Variants in KBTBD7 observed in about 807,000 individuals in gnomAD.
The protein encoded by KBTBD7 is kelch repeat and BTB domain containing 7, also known as kelch repeat and BTB domain-containing protein 7.
In KBTBD7, 25 loss-of-function variants were observed where a neutral mutation model predicts 50.3. The observed-to-expected ratio is 0.50, with a 90% CI of 0.36 to 0.69. The LOEUF (loss-of-function observed/expected upper bound fraction) is 0.69, where lower values mean the gene tolerates loss of function less well. Ranked by LOEUF, KBTBD7 falls within the 30% of genes least tolerant of loss-of-function variation. The pLI is 0.00. For missense variants in KBTBD7, 653 were observed against 869.5 expected (o/e 0.75, Z 3.13); for synonymous variants, 305 against 325.3 (o/e 0.94, Z 0.67).
Position 41,192,925 on chromosome 13 carries a change from G to C in KBTBD7, c.1333C>G (p.Pro445Ala). The C allele has an allele frequency of 6.2e-7, 1 of 1,614,124 alleles. No homozygotes were observed. Among genetic ancestry groups the C allele is most frequent in the Non-Finnish European group, 8.5e-7 (1 of 1,180,044 alleles). ...GYIYILGGRD[P>A]ITGVKLKEVE... is the part of the protein sequence containing the mutation. ...TCCTTCAACTTAACTCCAGTAATAG[G>C]GTCTCGTCCCCCCAAAATGTAGATG... The change falls in exon 1 of 1, where the codon CCT becomes GCT. Residue 445 changes from proline to alanine, a missense_variant. By Grantham distance (27) the Pro-to-Ala change is conservative. This residue lies in a region of KBTBD7 where 526 missense variants were observed against 717.1 expected (regional missense o/e 0.73). Transcript: ENST00000379483.
chr13:41,193,853 A>G lies in KBTBD7; in HGVS notation c.405T>C (p.Ser135=), dbSNP rs1247182938. Reference sequence around the variant, plus strand: ...GGCGCTGCACATTGGCCTCACTGAGAGACACACGACCCGTGTAGCAGTAGT... The same window carrying G: ...GGCGCTGCACATTGGCCTCACTGAGGGACACACGACCCGTGTAGCAGTAGT... ...LVDYCYTGRV[S]LSEANVQRLY... The change falls in exon 1 of 1, where the codon TCT becomes TCC. Residue 135 remains serine, a synonymous_variant. Transcript: ENST00000379483. This position sits in a 1 kb window ranked among gnomAD's most constrained non-coding sequence, Gnocchi z 5.7. 1 of 1,614,144 alleles carries G rather than the reference A, an allele frequency of 6.2e-7. No homozygotes were observed. Among genetic ancestry groups the G allele is most frequent in the Non-Finnish European group, 8.5e-7 (1 of 1,180,030 alleles).
Position 41,194,500 on chromosome 13 carries a change from C to A in KBTBD7, c.-243G>T, listed in dbSNP as rs1470877181. 3 of 567,042 alleles carry A rather than the reference C, an allele frequency of 5.3e-6. No individual in the cohort carries two copies. The African/African-American group carries it at 5.6e-5, about 11-fold the overall frequency. The allele number at this position is 567,042 out of a possible 1,614,324, so 35.1% of individuals were successfully genotyped here. On this transcript the variant is annotated 5_prime_UTR_variant, in exon 1 of 1. Coordinates refer to ENST00000379483, the MANE Select transcript of KBTBD7 (RefSeq NM_032138.7). The stretch of plus-strand genomic sequence containing the variant: ...CGCCTCCGCTCGCCCTCACAGGACC[C>A]GCTGGCTTGCAGCCGCGGAAGCCCC...
rs2031385458 is a variant in KBTBD7 at position 41,191,545 on chromosome 13, ATTTTTTCTTTTTTTT to A, written c.*643_*657del. ...TTTCTTTTAAAACAGTGGAATCCTGATTTTTTCTTTTTTTTTTTTTTTTTTTTTACTTTCTGTGAG... is the reference window on the plus strand; with the variant it reads ...TTTCTTTTAAAACAGTGGAATCCTGATTTTTTTTTTTTTACTTTCTGTGAG... On this transcript the variant is annotated 3_prime_UTR_variant, in exon 1 of 1. Coordinates refer to ENST00000379483, the MANE Select transcript of KBTBD7 (RefSeq NM_032138.7). The A allele has an allele frequency of 2.5e-4, 17 of 67,332 alleles. No homozygotes were observed. The highest frequency in any genetic ancestry group is 6.5e-4 in the Non-Finnish European group (17 of 26,354). The allele number at this position is 67,332 out of a possible 1,614,324, so 4.2% of individuals were successfully genotyped here.
chr13:41,192,180 A>T lies in KBTBD7; in HGVS notation c.*23T>A. On this transcript the variant is annotated 3_prime_UTR_variant, in exon 1 of 1. Coordinates refer to ENST00000379483, the MANE Select transcript of KBTBD7 (RefSeq NM_032138.7). ...AAATACATTCCGTAGCAGTAGAAAC[A>T]TCTTAGTGTCTCAAAATACTATTTA... is the stretch of plus-strand genomic sequence containing the variant. 1 of 1,577,352 alleles carries T rather than the reference A, an allele frequency of 6.3e-7. No individual in the cohort carries two copies.
At position 41,194,059 on chromosome 13, in the gene KBTBD7, T is replaced by G; in HGVS notation, c.199A>C (p.Ile67Leu). Residue 67 changes from isoleucine to leucine, a missense_variant, in exon 1 of 1, where the codon ATC (isoleucine) becomes CTC (leucine). Around this residue, in one of 3 missense-constraint regions of KBTBD7, gnomAD observed 119 missense variants for 125.0 expected, o/e 0.95. Transcript: ENST00000379483. ...CCGCTGCCAGGCGTCACCACCTCGA[T>G]GGTCACATCACACAGCAGCCGCGCG... is the stretch of plus-strand genomic sequence containing the variant. ...YDARLLCDVT[I>L]EVVTPGSGPG... is the part of the protein sequence containing the mutation. 1 of 1,614,196 alleles carries G rather than the reference T, an allele frequency of 6.2e-7. No individual in the cohort carries two copies. Among genetic ancestry groups the G allele is most frequent in the Non-Finnish European group, 8.5e-7 (1 of 1,180,040 alleles).
rs765785029 is a variant in KBTBD7, at chr13:41,194,087, G to A, written c.171C>T (p.Tyr57=). 2.5e-6 allele frequency: 4 copies of A among 1,614,188 alleles called. No homozygotes were observed. Among genetic ancestry groups the A allele is most frequent in the Non-Finnish European group, 1.7e-6 (2 of 1,180,034 alleles). ...TCACATCACACAGCAGCCGCGCGTC[G>A]TAGAAGGACTTGAGCTGTGCCAGCA... The part of the protein sequence containing the change: ...AALLAQLKSF[Y]DARLLCDVTI... The change falls in exon 1 of 1, where the codon TAC becomes TAT. Residue 57 remains tyrosine, a synonymous_variant. Coordinates refer to ENST00000379483, the MANE Select transcript of KBTBD7 (RefSeq NM_032138.7).
Position 41,193,706 on chromosome 13 carries a change from G to A in KBTBD7, c.552C>T (p.Asp184=). Residue 184 remains aspartate, a synonymous_variant, in exon 1 of 1, where the codon GAC becomes GAT. Coordinates refer to ENST00000379483, the MANE Select transcript of KBTBD7 (RefSeq NM_032138.7). The surrounding 1 kb of genome is among the most constrained non-coding windows in gnomAD (Gnocchi z 5.7). The part of the protein sequence containing the change: ...TAILKFADAF[D]HHKLRSQAQS... ...GGGCCTGAGATCGAAGCTTGTGATG[G>A]TCGAAGGCGTCTGCAAACTTGAGGA... 6.2e-7 allele frequency: 1 copy of A among 1,614,230 alleles called. No homozygotes were observed. Among genetic ancestry groups the A allele is most frequent in the Non-Finnish European group, 8.5e-7 (1 of 1,180,034 alleles).
At position 41,194,430 on chromosome 13, in the gene KBTBD7, T is replaced by G; in HGVS notation, c.-173A>C. 1.2e-6 allele frequency: 1 copy of G among 811,810 alleles called. No homozygotes were observed. The highest frequency in any genetic ancestry group is 1.9e-6 in the Non-Finnish European group (1 of 518,060). 50.3% of individuals were successfully genotyped at this position (811,810 alleles called of 1,614,324 possible). Reference sequence around the variant, plus strand: ...CGCGGTGAGGCCTCCCTTTATTGCATAGACAGTGGCTGACTCACCCTCTCT... The same window carrying G: ...CGCGGTGAGGCCTCCCTTTATTGCAGAGACAGTGGCTGACTCACCCTCTCT... On this transcript the variant is annotated 5_prime_UTR_variant, in exon 1 of 1. An upstream start codon of the reference 5' UTR is lost. Transcript: ENST00000379483.
In KBTBD7 at chr13:41,191,824, A is replaced by C. The variant is rs915886523; in HGVS notation, c.*379T>G. ...TCCTAGTTCAGTTTTCTATTATACA[A>C]ATCAAAAAGTTAAATTCCTTGTGGC... is the stretch of plus-strand genomic sequence containing the variant. On this transcript the variant is annotated 3_prime_UTR_variant, in exon 1 of 1. Transcript: ENST00000379483. The C allele has an allele frequency of 6.1e-6, 1 of 163,086 alleles. No individual in the cohort carries two copies. The highest frequency in any genetic ancestry group is 1.3e-5 in the Non-Finnish European group (1 of 75,274). The allele number at this position is 163,086 out of a possible 1,614,324, so 10.1% of individuals were successfully genotyped here. A position where few individuals can be genotyped will look rare whatever the true frequency, so the allele number is the denominator to read the frequency against.
chr13:41,193,092 A>C lies in KBTBD7; in HGVS notation c.1166T>G (p.Val389Gly). Residue 389 changes from valine to glycine, a missense_variant, in exon 1 of 1, where the codon GTG becomes GGG. Physicochemically the swap from Val to Gly is moderately radical, Grantham distance 109. Around this residue, in one of 3 missense-constraint regions of KBTBD7, gnomAD observed 526 missense variants for 717.1 expected, o/e 0.73. Transcript: ENST00000379483. The surrounding 1 kb of genome is among the most constrained non-coding windows in gnomAD (Gnocchi z 5.7). Reference sequence around the variant, plus strand: ...TAGATAGATGTCATGGTCTGGGGACACACAGACAGCTGAGGAGGTGACAGT... The same window carrying C: ...TAGATAGATGTCATGGTCTGGGGACCCACAGACAGCTGAGGAGGTGACAGT... ...TKTVTSSAVC[V>G]SPDHDIYLAA... 6.2e-7 allele frequency: 1 copy of C among 1,614,238 alleles called. No individual in the cohort carries two copies. The highest frequency in any genetic ancestry group is 8.5e-7 in the Non-Finnish European group (1 of 1,180,044).
In KBTBD7 at chr13:41,191,656, T is replaced by G. The variant is rs1240389067; in HGVS notation, c.*547A>C. ...GTAACCTTATATATATAAATCCAATTTTTTCCTTTGTAGAAGAAAACCAAA... is the reference window on the plus strand; with the variant it reads ...GTAACCTTATATATATAAATCCAATGTTTTCCTTTGTAGAAGAAAACCAAA... On this transcript the variant is annotated 3_prime_UTR_variant, in exon 1 of 1. Coordinates refer to ENST00000379483, the MANE Select transcript of KBTBD7 (RefSeq NM_032138.7). 1 of 151,344 alleles carries G rather than the reference T, an allele frequency of 6.6e-6. No individual in the cohort carries two copies. 9.4% of individuals were successfully genotyped at this position (151,344 alleles called of 1,614,324 possible). A position where few individuals can be genotyped will look rare whatever the true frequency, so the allele number is the denominator to read the frequency against.
In KBTBD7 at chr13:41,193,154, T is replaced by A; in HGVS notation, c.1104A>T (p.Thr368=). ...CAAAGCTGGTCAAAGGGGATGGCAT[T>A]GTGTAAATGTCCCCCGAGTAAGGGT... The part of the protein sequence containing the change: ...CYDPYSGDIY[T]MPSPLTSFAH... Residue 368 remains threonine, a synonymous_variant, in exon 1 of 1, where the codon ACA becomes ACT. Coordinates refer to ENST00000379483, the MANE Select transcript of KBTBD7 (RefSeq NM_032138.7). The surrounding 1 kb of genome is among the most constrained non-coding windows in gnomAD (Gnocchi z 5.7). 6.2e-7 allele frequency: 1 copy of A among 1,614,138 alleles called. No homozygotes were observed. The highest frequency in any genetic ancestry group is 8.5e-7 in the Non-Finnish European group (1 of 1,180,032).
chr13:41,192,485 C>T lies in KBTBD7; in HGVS notation c.1773G>A (p.Arg591=), dbSNP rs1021517280. Residue 591 remains arginine (R), a synonymous_variant, in exon 1 of 1, where the codon AGG becomes AGA. Coordinates refer to ENST00000379483, the MANE Select transcript of KBTBD7 (RefSeq NM_032138.7). The part of the protein sequence containing the change: ...NRVTVYEYDT[R]EDQWINIGTM... Reference sequence around the variant, plus strand: ...TACCTATATTAATCCACTGATCTTCCCTAGTATCATACTCATACACTGTCA... The same window carrying T: ...TACCTATATTAATCCACTGATCTTCTCTAGTATCATACTCATACACTGTCA... The T allele has an allele frequency of 6.2e-7, 1 of 1,614,184 alleles. No homozygotes were observed. The highest frequency in any genetic ancestry group is 1.7e-5 in the Admixed American group (1 of 60,026).
rs1389445811 is a variant in KBTBD7, at chr13:41,191,931, CAATG to C, written c.*268_*271del. Reference sequence around the variant, plus strand: ...TAACTAATCAAAACAATCCACTGTGCAATGAATATTTGAACAATGAAAAAAACCT... The same window carrying C: ...TAACTAATCAAAACAATCCACTGTGCAATATTTGAACAATGAAAAAAACCT... On this transcript the variant is annotated 3_prime_UTR_variant, in exon 1 of 1. Transcript: ENST00000379483. 1 of 339,524 alleles carries C rather than the reference CAATG, an allele frequency of 2.9e-6. No individual in the cohort carries two copies. The highest frequency in any genetic ancestry group is 2.1e-5 in the African/African-American group (1 of 47,500). The allele number at this position is 339,524 out of a possible 1,614,324, so 21.0% of individuals were successfully genotyped here. A position where few individuals can be genotyped will look rare whatever the true frequency, so the allele number is the denominator to read the frequency against.
At position 41,191,556 on chromosome 13, in the gene KBTBD7, T is replaced by C. The variant is rs1018097105; in HGVS notation, c.*647A>G. On this transcript the variant is annotated 3_prime_UTR_variant, in exon 1 of 1. Transcript: ENST00000379483. Reference sequence around the variant, plus strand: ...ACAGTGGAATCCTGATTTTTTCTTTTTTTTTTTTTTTTTTTTTACTTTCTG... The same window carrying C: ...ACAGTGGAATCCTGATTTTTTCTTTCTTTTTTTTTTTTTTTTTACTTTCTG... 5.4e-5 allele frequency: 8 copies of C among 147,004 alleles called. No homozygotes were observed. The highest frequency in any genetic ancestry group is 2.1e-4 in the South Asian group (1 of 4,734). The allele number at this position is 147,004 out of a possible 1,614,324, so 9.1% of individuals were successfully genotyped here.
At position 41,192,241 on chromosome 13, in the gene KBTBD7, G is replaced by T. The variant is rs746432437; in HGVS notation, c.2017C>A (p.Pro673Thr). The change falls in exon 1 of 1, where the codon CCT becomes ACT. Residue 673 changes from proline (P) to threonine (T), a missense_variant. Physicochemically the swap from Pro to Thr is conservative, Grantham distance 38 (BLOSUM62 -1). Around this residue, in one of 3 missense-constraint regions of KBTBD7, gnomAD observed 526 missense variants for 717.1 expected, o/e 0.73. Transcript: ENST00000379483. ...SDDEVWVQVA[P>T]QRNAQDQQGS... Reference sequence around the variant, plus strand: ...TGCTGATCCTGTGCATTTCGCTGAGGTGCTACTTGCACCCAGACTTCATCA... The same window carrying T: ...TGCTGATCCTGTGCATTTCGCTGAGTTGCTACTTGCACCCAGACTTCATCA... 1.2e-6 allele frequency: 2 copies of T among 1,614,024 alleles called. No homozygotes were observed. The highest frequency in any genetic ancestry group is 2.2e-5 in the South Asian group (2 of 91,070).
Position 41,193,501 on chromosome 13 carries a change from C to G in KBTBD7, c.757G>C (p.Glu253Gln), listed in dbSNP as rs1421430967. The change falls in exon 1 of 1, where the codon GAG becomes CAG. Residue 253 changes from glutamate (E) to glutamine (Q), a missense_variant. Coordinates refer to ENST00000379483, the MANE Select transcript of KBTBD7 (RefSeq NM_032138.7). The surrounding 1 kb of genome is among the most constrained non-coding windows in gnomAD (Gnocchi z 5.7). Reference sequence around the variant, plus strand: ...ACTTCTGCAGCACTGGGACCCCGCTCTTTGGCAGCAGCCTCCAGCCACTGC... The same window carrying G: ...ACTTCTGCAGCACTGGGACCCCGCTGTTTGGCAGCAGCCTCCAGCCACTGC... ...AVQWLEAAAK[E>Q]RGPSAAEVFK... 1.9e-6 allele frequency: 3 copies of G among 1,614,230 alleles called. No individual in the cohort carries two copies. The highest frequency in any genetic ancestry group is 2.5e-6 in the Non-Finnish European group (3 of 1,180,052).
Position 41,190,193 on chromosome 13 carries a change from C to T in KBTBD7, c.*2010G>A, listed in dbSNP as rs565686160. ...GAAGAAAAATTTGTCTCAAAAATAA[C>T]ACAATTGAGAAATAGCTTTGTATTA... is the stretch of plus-strand genomic sequence containing the variant. On this transcript the variant is annotated 3_prime_UTR_variant, in exon 1 of 1. Coordinates refer to ENST00000379483, the MANE Select transcript of KBTBD7 (RefSeq NM_032138.7). 6.6e-6 allele frequency: 1 copy of T among 152,220 alleles called. No homozygotes were observed. The highest frequency in any genetic ancestry group is 2.1e-4 in the South Asian group (1 of 4,830). The allele number at this position is 152,220 out of a possible 1,614,324, so 9.4% of individuals were successfully genotyped here. A position where few individuals can be genotyped will look rare whatever the true frequency, so the allele number is the denominator to read the frequency against.
At position 41,194,411 on chromosome 13, in the gene KBTBD7, G is replaced by A. The variant is rs2138576532; in HGVS notation, c.-154C>T. ...TCTGAATTCAGCCCTATCCCGCGGT[G>A]AGGCCTCCCTTTATTGCATAGACAG... On this transcript the variant is annotated 5_prime_UTR_variant, in exon 1 of 1. Transcript: ENST00000379483. 1.0e-6 allele frequency: 1 copy of A among 995,136 alleles called. No homozygotes were observed. Among genetic ancestry groups the A allele is most frequent in the African/African-American group, 1.6e-5 (1 of 60,912 alleles). 61.6% of individuals were successfully genotyped at this position (995,136 alleles called of 1,614,324 possible).
Sources: allele counts gnomAD v4.1 joint callset, GRCh38; gene constraint gnomAD v4.1.1; regional missense constraint gnomAD v4.1.1; non-coding constraint Gnocchi (gnomAD v3.1); transcripts MANE v1.5; gene names NCBI Gene and HGNC (gene_info 2026-07-23, HGNC 2026-07-21).